The following MAST4 variants were observed in gnomAD, a reference collection of about 807,000 sequenced individuals.
The protein encoded by MAST4 is microtubule-associated serine/threonine-protein kinase 4.
A neutral mutation model predicts 162.7 loss-of-function variants in MAST4; 89 were observed. That is an observed-to-expected ratio of 0.55 (90% CI 0.46 to 0.65). MAST4 has a LOEUF of 0.65. MAST4 is among the 30% of genes least tolerant of loss of function. The pLI is 0.00. For missense variants in MAST4, 3,153 were observed against 3,374.0 expected, an observed-to-expected ratio of 0.93 and a Z score of 1.62; for synonymous variants, 1,479 against 1,361.1, an observed-to-expected ratio of 1.09 and a Z score of -1.91.
At chr5:66,732,117 G>C (rs772337829) in intron 1 of MAST4, among the ~76,000 whole-genome samples, 44 of 151,816 alleles carry the variant, frequency 2.9e-4, no homozygotes, top group Non-Finnish European at 6.0e-4. Flanking sequence ...CTGCTTGTGT[G>C]GTCTTTCTGA....
chr5:67,152,523 G>T, intron 24 of MAST4, 114 bp from the exon 25 acceptor site: 1 of 761,988 alleles, frequency 1.3e-6, no homozygotes. Flanking sequence ...GGAAACAAAT[G>T]GATTTGTGTT....
At chr5:66,777,295 G>C (rs545051262) in intron 2 of MAST4, among the ~76,000 whole-genome samples, 46 of 152,322 alleles carry the variant, frequency 3.0e-4, no homozygotes, top group African/African-American at 1.1e-3. Context: ...ACTGTTGCCA[G>C]GAGGAGCTGT....
At chr5:66,759,191 T>C (rs1243644587) in intron 1 of MAST4, among the ~76,000 whole-genome samples, 1 of 152,204 alleles carries the variant, frequency 6.6e-6, no homozygotes, top group Admixed American at 6.5e-5. Flanking sequence ...CAACATATAT[T>C]TGTGAGCAAT....
intron 5 of MAST4, among the ~76,000 whole-genome samples, chr5:67,059,683 T>A (rs1338709253): frequency 6.6e-6 from 1 of 152,230 alleles, no homozygotes; most frequent in Non-Finnish European, 1.5e-5. Flanking sequence ...TGCAGGTGGC[T>A]ACTTTGATGT....
At chr5:66,717,650 G>A (rs897070263) in intron 1 of MAST4, among the ~76,000 whole-genome samples, 12 of 152,168 alleles carry the variant, frequency 7.9e-5, no homozygotes, top group Non-Finnish European at 1.6e-4. Flanking sequence ...GTTTCCCTGG[G>A]GAGGTTGCTA....
At chr5:67,112,676 A>G (rs1766388949) in intron 11 of MAST4, among the ~76,000 whole-genome samples, 1 of 152,124 alleles carries the variant, frequency 6.6e-6, no homozygotes, top group Non-Finnish European at 1.5e-5. Flanking sequence ...AAGGAGTGCA[A>G]AGCTCCCTGG....
intron 4 of MAST4, among the ~76,000 whole-genome samples, chr5:66,985,670 C>T (rs1749399252): frequency 6.6e-6 from 1 of 151,876 alleles, no homozygotes; most frequent in African/African-American, 2.4e-5. Flanking sequence ...CGAGGTTGGG[C>T]TTAGAGGAAA....
chr5:67,088,530 G>A lies in MAST4; in HGVS notation c.764-1632G>A, dbSNP rs530496774. Among the ~76,000 whole-genome samples, 423 of 152,240 alleles carry A rather than the reference G, an allele frequency of 2.8e-3. 4 individuals are homozygous for A. The highest frequency in any genetic ancestry group is 4.3e-3 in the Non-Finnish European group (291 of 68,018). The stretch of plus-strand genomic sequence containing the variant: ...ATCTTGAAATTTGAGATTTTTAAAG[G>A]AATATGAGGAGAAGTATACAAGCTA... On this transcript the variant is annotated intron_variant, in intron 5 of 28. Transcript: ENST00000403625.
chr5:66,674,251 T>G lies in MAST4; in HGVS notation c.363+77233T>G, dbSNP rs182198648. Among the ~76,000 whole-genome samples the G allele has an allele frequency of 7.6e-4, 116 of 152,296 alleles. 1 individual carries two copies. The highest frequency in any genetic ancestry group is 2.7e-3 in the African/African-American group (113 of 41,572). ...ATAAAGTGTGATGACTAAGTTTTTT[T>G]GGGGAGGAAAAAGGTAGTAAGGCAT... On this transcript the variant is annotated intron_variant, in intron 1 of 28. Transcript: ENST00000403625.
intron 3 of MAST4, among the ~76,000 whole-genome samples, chr5:66,895,506 A>G (rs1299174010): frequency 1.3e-5 from 2 of 152,094 alleles, no homozygotes; most frequent in Non-Finnish European, 2.9e-5. Context: ...TGAATGTAGC[A>G]TGTCAAAAGC....
intron 3 of MAST4, among the ~76,000 whole-genome samples, chr5:66,894,489 T>C (rs1286769149): frequency 1.3e-5 from 2 of 152,238 alleles, no homozygotes; most frequent in Admixed American, 1.3e-4. Flanking sequence ...AGCTTTTAAA[T>C]GTGTTTTGTT....
At chr5:66,805,631 G>T (rs187035801) in intron 3 of MAST4, among the ~76,000 whole-genome samples, 1 of 152,312 alleles carries the variant, frequency 6.6e-6, no homozygotes, top group Non-Finnish European at 1.5e-5. Context: ...TCCTTGTTCA[G>T]CTCCTAGCCT....
chr5:66,842,167 C>T (rs1364628520), intron 3 of MAST4, among the ~76,000 whole-genome samples: 1 of 152,074 alleles, frequency 6.6e-6, no homozygotes, highest in African/African-American at 2.4e-5. Context: ...CAAGGAGTTG[C>T]TAATGTGGAA....
chr5:66,824,316 A>G (rs1757137597), intron 3 of MAST4, among the ~76,000 whole-genome samples: 1 of 152,194 alleles, frequency 6.6e-6, no homozygotes, highest in Non-Finnish European at 1.5e-5. Flanking sequence ...GGGGCAGGGC[A>G]ACACAGTGGT....
In MAST4 at chr5:66,679,085, G is replaced by A. The variant is rs149493360; in HGVS notation, c.364-80624G>A. ...AGATTACAGGTGTAAGCCACTGCTG[G>A]TAGCCTTAACTACAATTTTTATTTG... On this transcript the variant is annotated intron_variant, in intron 1 of 28. Transcript: ENST00000403625. Among the ~76,000 whole-genome samples the A allele has an allele frequency of 4.3e-4, 66 of 152,260 alleles. 1 individual carries two copies. In the East Asian group the frequency reaches 4.4e-3, roughly 10 times the overall value.
intron 1 of MAST4, among the ~76,000 whole-genome samples, chr5:66,728,521 G>A (rs952886224): frequency 1.3e-5 from 2 of 152,124 alleles, no homozygotes; most frequent in African/African-American, 4.8e-5. Flanking sequence ...AGTCCTTTGC[G>A]TCGTAGGTCT....
At chr5:66,667,410 C>G (rs1280943551) in intron 1 of MAST4, among the ~76,000 whole-genome samples, 1 of 152,056 alleles carries the variant, frequency 6.6e-6, no homozygotes, top group Non-Finnish European at 1.5e-5. Context: ...CTGGGAGAAA[C>G]CTTCTTTGTC....
intron 1 of MAST4, among the ~76,000 whole-genome samples, chr5:66,606,735 C>T (rs1490650061): frequency 6.6e-6 from 1 of 152,132 alleles, no homozygotes; most frequent in African/African-American, 2.4e-5. Context: ...GTCATATCAA[C>T]TCAAATCTTG....
intron 5 of MAST4, among the ~76,000 whole-genome samples, chr5:67,058,021 C>T (rs1472292308): frequency 3.3e-5 from 5 of 151,606 alleles, no homozygotes; most frequent in Non-Finnish European, 5.9e-5. Flanking sequence ...AGGAGGATTG[C>T]TTGAGCCCAG....
Sources: allele counts gnomAD v4.1 joint callset (sites outside exome capture counted in the v4.1 genomes callset), GRCh38; gene constraint gnomAD v4.1.1; transcripts MANE v1.5; gene names NCBI Gene and HGNC (gene_info 2026-07-23, HGNC 2026-07-21).